Variants in SEMA5A observed in about 807,000 individuals in gnomAD.
The protein encoded by SEMA5A is semaphorin 5A.
A neutral mutation model predicts 135.5 loss-of-function variants in SEMA5A; 55 were observed. The observed-to-expected ratio is 0.41, with a 90% CI of 0.33 to 0.51. The LOEUF (loss-of-function observed/expected upper bound fraction) is 0.51, where lower values mean the gene tolerates loss of function less well. Among genes scored for constraint, SEMA5A ranks in the 20% least tolerant of loss-of-function variants. The probability of loss-of-function intolerance (pLI) is 0.37; values close to 1 mark genes in which losing one functional copy is unlikely to be tolerated. For synonymous variants in SEMA5A, 580 were observed against 546.5 expected, an observed-to-expected ratio of 1.06 and a Z score of -0.85; for missense variants, 1,290 against 1,419.9, an observed-to-expected ratio of 0.91 and a Z score of 1.47.
At chr5:9,092,091 G>C (rs1739065941) in intron 16 of SEMA5A, among the ~76,000 whole-genome samples, 1 of 152,130 alleles carries the variant, frequency 6.6e-6, no homozygotes, top group Non-Finnish European at 1.5e-5. Context: ...AGCTCCTTAA[G>C]GTCAAGCTCA....
At chr5:9,475,906 A>C (rs188067546) in intron 1 of SEMA5A, among the ~76,000 whole-genome samples, 4 of 152,254 alleles carry the variant, frequency 2.6e-5, no homozygotes, top group Non-Finnish European at 4.4e-5. Context: ...TCTCCCTTCC[A>C]TTCCCAAACT....
At chr5:9,454,758 A>G (rs1358555953) in intron 1 of SEMA5A, among the ~76,000 whole-genome samples, 1 of 152,230 alleles carries the variant, frequency 6.6e-6, no homozygotes, top group Non-Finnish European at 1.5e-5. Flanking sequence ...CTTAAGAACT[A>G]TAACCACTAC....
At chr5:9,309,754 T>C (rs1226291955) in intron 5 of SEMA5A, among the ~76,000 whole-genome samples, 1 of 152,134 alleles carries the variant, frequency 6.6e-6, no homozygotes, top group Admixed American at 6.5e-5. Context: ...TCTCTGAAAC[T>C]AGTAAAATCT....
intron 1 of SEMA5A, among the ~76,000 whole-genome samples, chr5:9,522,451 T>C (rs947052693): frequency 5.3e-5 from 8 of 152,100 alleles, no homozygotes; most frequent in African/African-American, 1.9e-4. Context: ...GGCATGGTGC[T>C]GCGTGCCTCT....
At chr5:9,541,789 C>T (rs1738108535) in intron 1 of SEMA5A, among the ~76,000 whole-genome samples, 1 of 152,186 alleles carries the variant, frequency 6.6e-6, no homozygotes, top group Non-Finnish European at 1.5e-5. Context: ...AAATTTCATG[C>T]ACAAGGTGAA....
chr5:9,170,873 A>T (rs1442749143), intron 11 of SEMA5A, among the ~76,000 whole-genome samples: 1 of 152,134 alleles, frequency 6.6e-6, no homozygotes, highest in Non-Finnish European at 1.5e-5. Context: ...CCTACTGGGG[A>T]GTTTCCAGCC....
chr5:9,048,194 G>A (rs1004083148), intron 21 of SEMA5A, among the ~76,000 whole-genome samples: 1 of 152,122 alleles, frequency 6.6e-6, no homozygotes, highest in African/African-American at 2.4e-5. Flanking sequence ...ACTGTGGCTC[G>A]AGCCTCCCGA....
chr5:9,262,910 T>TA (rs371078828), intron 5 of SEMA5A, among the ~76,000 whole-genome samples: 10 of 104,754 alleles, frequency 9.5e-5, no homozygotes, highest in Admixed American at 2.8e-4. Flanking sequence ...AAAAAAAAAT[T>TA]AAAAAAAAAA....
chr5:9,292,526 G>A (rs1751136073), intron 5 of SEMA5A, among the ~76,000 whole-genome samples: 1 of 152,080 alleles, frequency 6.6e-6, no homozygotes, highest in South Asian at 2.1e-4. Flanking sequence ...TTGTAGTTAG[G>A]ATGTCAGGTA....
At chr5:9,445,207 A>G (rs1295351542) in intron 1 of SEMA5A, among the ~76,000 whole-genome samples, 1 of 152,140 alleles carries the variant, frequency 6.6e-6, no homozygotes, top group Non-Finnish European at 1.5e-5. Context: ...CCACAATGAC[A>G]TGGGAGGTCT....
At chr5:9,461,159 G>T (rs1759043713) in intron 1 of SEMA5A, among the ~76,000 whole-genome samples, 1 of 152,172 alleles carries the variant, frequency 6.6e-6, no homozygotes. Context: ...GCATGGAAAT[G>T]ATGGTTAAAA....
At chr5:9,381,800 C>T (rs979475432) in intron 2 of SEMA5A, among the ~76,000 whole-genome samples, 8 of 152,184 alleles carry the variant, frequency 5.3e-5, no homozygotes, top group African/African-American at 1.9e-4. Context: ...TTGTTATAAT[C>T]TGCTACATTT....
At chr5:9,200,296 T>A (rs1353849313) in intron 9 of SEMA5A, among the ~76,000 whole-genome samples, 1 of 152,230 alleles carries the variant, frequency 6.6e-6, no homozygotes, top group Non-Finnish European at 1.5e-5. Flanking sequence ...TTTTTGCAAC[T>A]ATCTAAATTG....
At chr5:9,241,095 T>C (rs1451225440) in intron 5 of SEMA5A, among the ~76,000 whole-genome samples, 3 of 152,172 alleles carry the variant, frequency 2.0e-5, no homozygotes, top group African/African-American at 7.2e-5. Flanking sequence ...ATAGCAGTAA[T>C]ATTGTGGTTA....
At chr5:9,079,174 T>C (rs1305263425) in intron 16 of SEMA5A, among the ~76,000 whole-genome samples, 2 of 152,070 alleles carry the variant, frequency 1.3e-5, no homozygotes, top group Non-Finnish European at 1.5e-5. Context: ...TAACACTCCT[T>C]AGCAAATGCA....
intron 11 of SEMA5A, among the ~76,000 whole-genome samples, chr5:9,168,820 T>G (rs1743755258): frequency 2.0e-5 from 3 of 152,216 alleles, no homozygotes; most frequent in Non-Finnish European, 2.9e-5. Context: ...AACAAAGGCT[T>G]AAATGCTCCT....
chr5:9,473,209 A>G (rs950462107), intron 1 of SEMA5A, among the ~76,000 whole-genome samples: 1 of 141,426 alleles, frequency 7.1e-6, no homozygotes, highest in African/African-American at 2.7e-5. Context: ...CTAAAATAAG[A>G]AAAAAAAAAA....
intron 2 of SEMA5A, among the ~76,000 whole-genome samples, chr5:9,392,763 C>T (rs772129406): frequency 2.6e-5 from 4 of 152,170 alleles, no homozygotes; most frequent in Non-Finnish European, 5.9e-5. Context: ...AACTGATTGA[C>T]TAGGCAGTGG....
At chr5:9,088,663 C>T (rs28433687) in intron 16 of SEMA5A, among the ~76,000 whole-genome samples, 2,758 of 80,426 alleles carry the variant, frequency 0.034, 57 homozygotes, top group African/African-American at 0.084. Flanking sequence ...TATATATACA[C>T]ACACACACTC....
Sources: gnomAD v4.1 joint callset for allele counts (sites outside exome capture counted in the v4.1 genomes callset) on GRCh38, gnomAD v4.1.1 for gene constraint, MANE v1.5 for transcripts, NCBI Gene and HGNC (gene_info 2026-07-23, HGNC 2026-07-21) for gene names.